The following CREB3 variants were observed in gnomAD, a reference collection of about 807,000 sequenced individuals.
The protein encoded by CREB3 is cAMP responsive element binding protein 3, also known as cyclic AMP-responsive element-binding protein 3.
CREB3 carries 29 observed loss-of-function variants against 34.5 expected under a neutral mutation model. The observed-to-expected ratio is 0.84, with a 90% CI of 0.63 to 1.15. The LOEUF is 1.15. Ranked by LOEUF, CREB3 falls within the 50% of genes most tolerant of loss-of-function variation. CREB3 has a pLI of 0.00. For synonymous variants in CREB3, 187 were observed against 173.9 expected (o/e 1.08, Z -0.59); for missense variants, 447 against 443.4 (o/e 1.01, Z -0.07).
chr9:35,735,468 G>A lies in CREB3; in HGVS notation c.611+94G>A, dbSNP rs1332852393. The stretch of plus-strand genomic sequence containing the variant: ...CCTACACTTGATTTCTAACTGGGCA[G>A]CTGCCTTCACTAGGTCTCTGATTCC... On this transcript the variant is annotated intron_variant, in intron 6 of 8. Transcript: ENST00000353704. 4.0e-5 allele frequency: 46 copies of A among 1,145,576 alleles called. 1 individual carries two copies. In the South Asian group the frequency reaches 5.2e-4, roughly 13 times the overall value. The allele number at this position is 1,145,576 out of a possible 1,614,324, so 71.0% of individuals were successfully genotyped here. A position where few individuals can be genotyped will look rare whatever the true frequency, so the allele number is the denominator to read the frequency against.
At chr9:35,736,011 C>G (rs1294071441) in intron 6 of CREB3, 37 bp from the exon 7 acceptor site, 4 of 1,519,322 alleles carry the variant, frequency 2.6e-6, no homozygotes, top group Admixed American at 3.3e-5. Context: ...GATGCTAGGC[C>G]AGGGGATGCT....
chr9:35,733,829 T>C (rs117191990), intron 4 of CREB3, among the ~76,000 whole-genome samples: 4,703 of 152,238 alleles, frequency 0.031, 134 homozygotes, highest in Non-Finnish European at 0.041. Context: ...TAGAACTGTT[T>C]AGAGAGTTCA....
At chr9:35,735,525 C>A in intron 6 of CREB3, 151 bp downstream of exon 6, 1 of 683,176 alleles carries the variant, frequency 1.5e-6, no homozygotes, top group Non-Finnish European at 2.5e-6. Context: ...AATACATTTA[C>A]AAGTAACTAA....
At chr9:35,734,188 G>T (rs142561329) in intron 4 of CREB3, among the ~76,000 whole-genome samples, 254 of 152,128 alleles carry the variant, frequency 1.7e-3, no homozygotes, top group African/African-American at 5.9e-3. Flanking sequence ...CTTGTTGCCA[G>T]GCTGGTCTCG....
chr9:35,736,528 C>T lies in CREB3; in HGVS notation c.918C>T (p.Gly306=), dbSNP rs776455412. The stretch of plus-strand genomic sequence containing the variant: ...CAGACTGTGTACTCCAGGCCCCTGG[C>T]AACACTTCCTGCCTGCTGCATTACA... The part of the protein sequence containing the change: ...DGSDCVLQAP[G]NTSCLLHYMP... Residue 306 remains glycine, a synonymous_variant, in exon 9 of 9, where the codon GGC becomes GGT. Transcript: ENST00000353704. 13 of 1,614,102 alleles carry T rather than the reference C, an allele frequency of 8.1e-6. No individual in the cohort carries two copies. The highest frequency in any genetic ancestry group is 1.7e-5 in the Admixed American group (1 of 60,012).
In CREB3 at chr9:35,736,779, T is replaced by A. The variant is rs1008180857; in HGVS notation, c.*53T>A. ...AGGAGCCTGGGGGGCTCCCCATCTG[T>A]GTCCAAATAAAAAGCGGTGGGCAAG... On this transcript the variant is annotated 3_prime_UTR_variant, in exon 9 of 9. Coordinates refer to ENST00000353704, the MANE Select transcript of CREB3 (RefSeq NM_006368.5). 4.3e-5 allele frequency: 65 copies of A among 1,511,022 alleles called. No individual in the cohort carries two copies. The highest frequency in any genetic ancestry group is 5.6e-5 in the Non-Finnish European group (63 of 1,119,430). 93.6% of individuals were successfully genotyped at this position (1,511,022 alleles called of 1,614,324 possible).
chr9:35,736,621 C>T lies in CREB3; in HGVS notation c.1011C>T (p.Leu337=), dbSNP rs1826220703. ...WPFPDLFSEP[L]CRGPILPLQA... is the part of the protein sequence containing the mutation. ...TCCCTGACCTCTTCTCAGAGCCTCT[C>T]TGCCGAGGTCCCATCCTCCCCCTGC... Residue 337 remains leucine (L), a synonymous_variant, in exon 9 of 9, where the codon CTC becomes CTT. Coordinates refer to ENST00000353704, the MANE Select transcript of CREB3 (RefSeq NM_006368.5). 1 of 1,613,972 alleles carries T rather than the reference C, an allele frequency of 6.2e-7. No individual in the cohort carries two copies. Among genetic ancestry groups the T allele is most frequent in the Non-Finnish European group, 8.5e-7 (1 of 1,180,026 alleles).
chr9:35,733,555 C>T (rs1826135813), intron 4 of CREB3, 70 bp downstream of exon 4: 3 of 1,019,902 alleles, frequency 2.9e-6, no homozygotes, highest in South Asian at 1.4e-5. Context: ...ATTCTGTTAA[C>T]TTTATATCAA....
chr9:35,736,360 G>C, intron 8 of CREB3, 32 bp from the exon 9 acceptor site: 20 of 1,612,968 alleles, frequency 1.2e-5, no homozygotes, highest in Non-Finnish European at 1.6e-5. Context: ...GAGAGGTCTG[G>C]GTTGGCCTCT....
chr9:35,732,846 C>T lies in CREB3; in HGVS notation c.74C>T (p.Thr25Met). The change falls in exon 1 of 9, where the codon ACG becomes ATG. Residue 25 changes from threonine to methionine, a missense_variant. Transcript: ENST00000353704. This position sits in a 1 kb window ranked among gnomAD's most constrained non-coding sequence, Gnocchi z 5.1. ...CTAGAGGAAAGTGGAGATTTGGGGA[C>T]GGCACCCGATGAGGCCGTGAGGGCC... is the stretch of plus-strand genomic sequence containing the variant. The part of the protein sequence containing the change: ...FLLEESGDLG[T>M]APDEAVRAPL... The T allele has an allele frequency of 6.2e-7, 1 of 1,614,186 alleles. No homozygotes were observed. The highest frequency in any genetic ancestry group is 8.5e-7 in the Non-Finnish European group (1 of 1,180,014).
Position 35,733,137 on chromosome 9 carries a change from G to T in CREB3, c.271G>T (p.Asp91Tyr). 6.2e-7 allele frequency: 1 copy of T among 1,614,226 alleles called. No individual in the cohort carries two copies. ...CCTCCCACGGGAAACTGTCTCTATG[G>T]ATCTAGGTGAGTCTGAAATAAGTTT... Reference protein sequence around the residue: ...YSLPRETVSMDLESESCRKEG... With the variant: ...YSLPRETVSMYLESESCRKEG... Residue 91 changes from aspartate (D) to tyrosine (Y), a missense_variant, in exon 2 of 9, where the codon GAT (aspartate) becomes TAT (tyrosine). Asp to Tyr is a radical substitution (Grantham distance 160). Transcript: ENST00000353704.
Position 35,736,680 on chromosome 9 carries a change from C to T in CREB3, c.1070C>T (p.Pro357Leu). The part of the protein sequence containing the change: ...ANLTRKGGWL[P>L]TGSPSVILQD... ...CTCACAAGGAAGGGAGGATGGCTTC[C>T]TACTGGTAGCCCCTCTGTCATTTTG... is the stretch of plus-strand genomic sequence containing the variant. The change falls in exon 9 of 9, where the codon CCT (proline) becomes CTT (leucine). Residue 357 changes from proline to leucine, a missense_variant. Transcript: ENST00000353704. 6.2e-7 allele frequency: 1 copy of T among 1,612,242 alleles called. No individual in the cohort carries two copies. The highest frequency in any genetic ancestry group is 8.5e-7 in the Non-Finnish European group (1 of 1,179,990).
intron 5 of CREB3, 22 bp from the exon 6 acceptor site, chr9:35,735,284 G>T: frequency 6.2e-7 from 1 of 1,613,160 alleles, no homozygotes; most frequent in Non-Finnish European, 8.5e-7. Context: ...CCATATCCCC[G>T]TATCTTTGTT....
intron 4 of CREB3, among the ~76,000 whole-genome samples, chr9:35,734,387 A>T (rs1826156267): frequency 6.6e-6 from 1 of 152,190 alleles, no homozygotes; most frequent in Non-Finnish European, 1.5e-5. Flanking sequence ...TGGCTAGAGC[A>T]CATCTTTGAC....
chr9:35,735,364 G>A lies in CREB3; in HGVS notation c.601G>A (p.Glu201Lys), dbSNP rs767043927. The change falls in exon 6 of 9, where the codon GAA (glutamate) becomes AAA (lysine). Residue 201 changes from glutamate (E) to lysine (K), a missense_variant. Coordinates refer to ENST00000353704, the MANE Select transcript of CREB3 (RefSeq NM_006368.5). ...ELQNKVQLLE[E>K]QNLSLLDQLR... ...TCAGAACAAAGTACAGCTTCTGGAG[G>A]AACAGAATTTGTAAGTATCCCTCCA... 1.9e-6 allele frequency: 3 copies of A among 1,613,838 alleles called. No homozygotes were observed. Among genetic ancestry groups the A allele is most frequent in the South Asian group, 1.1e-5 (1 of 91,076 alleles).
At chr9:35,734,449 CT>C (rs113624223) in intron 4 of CREB3, among the ~76,000 whole-genome samples, 18 of 146,458 alleles carry the variant, frequency 1.2e-4, no homozygotes, top group East Asian at 2.0e-4. Flanking sequence ...AAAATTTTGT[CT>C]TTTTTTTTTT....
Position 35,736,569 on chromosome 9 carries a change from G to A in CREB3, c.959G>A (p.Ser320Asn). Residue 320 changes from serine to asparagine, a missense_variant, in exon 9 of 9, where the codon AGT becomes AAT. Physicochemically the swap from Ser to Asn is conservative, Grantham distance 46 (BLOSUM62 1). Transcript: ENST00000353704. ...CLLHYMPQAP[S>N]AEPPLEWPFP... ...CTGCATTACATGCCTCAGGCTCCCA[G>A]TGCAGAGCCTCCCCTGGAGTGGCCA... 1.9e-6 allele frequency: 3 copies of A among 1,614,138 alleles called. No homozygotes were observed. The highest frequency in any genetic ancestry group is 8.5e-7 in the Non-Finnish European group (1 of 1,180,028).
Position 35,733,110 on chromosome 9 carries a change from T to C in CREB3, c.244T>C (p.Ser82Pro). The C allele has an allele frequency of 6.2e-7, 1 of 1,614,162 alleles. No individual in the cohort carries two copies. Among genetic ancestry groups the C allele is most frequent in the Non-Finnish European group, 8.5e-7 (1 of 1,180,034 alleles). Residue 82 changes from serine (S) to proline (P), a missense_variant, in exon 2 of 9, where the codon TCC becomes CCC. Coordinates refer to ENST00000353704, the MANE Select transcript of CREB3 (RefSeq NM_006368.5). The stretch of plus-strand genomic sequence containing the variant: ...CCTTGTCCACCATGACCACACCTAC[T>C]CCCTCCCACGGGAAACTGTCTCTAT... Reference protein sequence around the residue: ...PCLVHHDHTYSLPRETVSMDL... With the variant: ...PCLVHHDHTYPLPRETVSMDL...
chr9:35,736,050 C>T lies in CREB3; in HGVS notation c.614C>T (p.Ser205Phe). The T allele has an allele frequency of 6.2e-7, 1 of 1,612,758 alleles. No homozygotes were observed. The highest frequency in any genetic ancestry group is 1.1e-5 in the South Asian group (1 of 91,032). Residue 205 changes from serine to phenylalanine, a missense_variant and splice_region_variant, in exon 7 of 9, where the codon TCC becomes TTC. Ser to Phe is a radical substitution (Grantham distance 155, BLOSUM62 -2). Transcript: ENST00000353704. ...TATTGGCCCCTCTCTTCCTCTAGGT[C>T]CCTTCTAGATCAACTGAGGAAACTC... ...KVQLLEEQNL[S>F]LLDQLRKLQA...
Sources: gnomAD v4.1 joint callset for allele counts (sites outside exome capture counted in the v4.1 genomes callset) on GRCh38, gnomAD v4.1.1 for gene constraint, Gnocchi (gnomAD v3.1) non-coding constraint, MANE v1.5 for transcripts, NCBI Gene and HGNC (gene_info 2026-07-23, HGNC 2026-07-21) for gene names.